The following GSE1 variants were observed in gnomAD, a reference collection of about 807,000 sequenced individuals.
GSE1 encodes the protein Gse1 coiled-coil protein, also known as genetic suppressor element 1.
GSE1 carries 32 observed loss-of-function variants against 112.6 expected under a neutral mutation model. The observed-to-expected ratio is 0.28, with a 90% CI of 0.21 to 0.38. GSE1 has a LOEUF of 0.38. Among genes scored for constraint, GSE1 ranks in the 10% least tolerant of loss-of-function variants. The pLI, the probability that GSE1 is intolerant of heterozygous loss-of-function variation, is 1.00. For missense variants in GSE1, 2,348 were observed against 1,699.2 expected (o/e 1.38, Z -6.71); for synonymous variants, 1,115 against 735.6 (o/e 1.52, Z -8.35).
At chr16:85,339,649 A>T (rs1369583024) in intron 1 of GSE1, among the ~76,000 whole-genome samples, 6 of 14,298 alleles carry the variant, frequency 4.2e-4, no homozygotes, top group East Asian at 1.7e-3. Context: ...CGGCGGGCGC[A>T]GGGTGGGGGT....
Position 85,648,645 on chromosome 16 carries a change from C to G in GSE1, c.320C>G (p.Pro107Arg). ...ASTPKRVPMGPIIVPPGGHSV... is the reference protein window; with the variant it reads ...ASTPKRVPMGRIIVPPGGHSV... ...ACACCCAAGCGCGTGCCCATGGGCC[C>G]TATCATCGTCCCCCCTGGGGGCCAC... Residue 107 changes from proline to arginine, a missense_variant, in exon 3 of 16, where the codon CCT (proline) becomes CGT (arginine). Transcript: ENST00000253458. 4.4e-6 allele frequency: 7 copies of G among 1,601,702 alleles called. No individual in the cohort carries two copies. Among genetic ancestry groups the G allele is most frequent in the South Asian group, 1.1e-5 (1 of 90,574 alleles).
rs141954430 is a variant in GSE1, at chr16:85,655,858, C to G, written c.930C>G (p.Leu310=). 4.4e-5 allele frequency: 71 copies of G among 1,609,534 alleles called. No individual in the cohort carries two copies. In the Middle Eastern group the frequency reaches 8.2e-4, roughly 19 times the overall value. Residue 310 remains leucine (L), a synonymous_variant, in exon 6 of 16, where the codon CTC becomes CTG. Coordinates refer to ENST00000253458, the MANE Select transcript of GSE1 (RefSeq NM_014615.5). ...HLSGVRYPPE[L]SHSSLAALHS... Reference sequence around the variant, plus strand: ...CTGGGGTCCGCTACCCTCCCGAGCTCTCCCACTCATCCCTGGCAGCGCTGC... The same window carrying G: ...CTGGGGTCCGCTACCCTCCCGAGCTGTCCCACTCATCCCTGGCAGCGCTGC...
intron 1 of GSE1, among the ~76,000 whole-genome samples, chr16:85,287,745 T>C (rs2045080180): frequency 6.6e-6 from 1 of 152,146 alleles, no homozygotes; most frequent in South Asian, 2.1e-4. Flanking sequence ...TGGCATGTGT[T>C]ACCAGCACTG....
chr16:85,227,821 T>C (rs1228756925), intron 1 of GSE1, among the ~76,000 whole-genome samples: 2 of 152,124 alleles, frequency 1.3e-5, no homozygotes, highest in African/African-American at 4.8e-5. Flanking sequence ...CCTCACTGTT[T>C]GCTGAATGCT....
exon 1 of GSE1, chr16:85,171,087 C>T: frequency 1.0e-6 from 1 of 985,668 alleles, no homozygotes; most frequent in Non-Finnish European, 1.2e-6. Flanking sequence ...GCCCGCCCAA[C>T]GCCCAGGGCC....
rs1337322713 is a variant in GSE1 at position 85,410,533 on chromosome 16, C to T, written c.2464+52890C>T. Among the ~76,000 whole-genome samples, 4 of 15,470 alleles carry T rather than the reference C, an allele frequency of 2.6e-4. 1 individual carries two copies. The highest frequency in any genetic ancestry group is 3.7e-4 in the Non-Finnish European group (3 of 8,068). The allele number at this position is 15,470 out of a possible 152,430, so 10.1% of individuals were successfully genotyped here. A position where few individuals can be genotyped will look rare whatever the true frequency, so the allele number is the denominator to read the frequency against. ...TCCTCACTGTTACTCTTAGGCCCCC[C>T]GGATAATCCTCACTGTTGCACTCAG... On this transcript the variant is annotated intron_variant, in intron 2 of 2. Transcript: ENST00000637419.
At chr16:85,575,205 C>G (rs1402866005) in intron 1 of GSE1, among the ~76,000 whole-genome samples, 1 of 152,240 alleles carries the variant, frequency 6.6e-6, no homozygotes, top group Non-Finnish European at 1.5e-5. Flanking sequence ...GAGCATATGT[C>G]CACAGGGCCA....
chr16:85,478,855 C>CTT (rs1350906487), intron 2 of GSE1, among the ~76,000 whole-genome samples: 7 of 14,978 alleles, frequency 4.7e-4, no homozygotes, highest in African/African-American at 3.0e-3. Flanking sequence ...TTCTTTCTTT[C>CTT]TTTCTTTCTT....
chr16:85,397,237 A>T (rs58425249), intron 2 of GSE1, among the ~76,000 whole-genome samples: 2,955 of 152,220 alleles, frequency 0.019, 237 homozygotes, highest in Admixed American at 0.15. Flanking sequence ...CCCCTTTTGC[A>T]TTGGGGGAAG....
chr16:85,223,351 C>T (rs1486874792), intron 1 of GSE1, among the ~76,000 whole-genome samples: 3 of 152,002 alleles, frequency 2.0e-5, no homozygotes, highest in South Asian at 2.1e-4. Flanking sequence ...GGTGAAACCC[C>T]ATCTCCACCA....
chr16:85,302,571 G>C (rs2045558333), intron 1 of GSE1, among the ~76,000 whole-genome samples: 1 of 152,106 alleles, frequency 6.6e-6, no homozygotes, highest in Admixed American at 6.6e-5. Flanking sequence ...CGCTGATACT[G>C]ACAGCTCTGA....
chr16:85,204,773 C>T (rs1181587172), intron 1 of GSE1, among the ~76,000 whole-genome samples: 1 of 152,212 alleles, frequency 6.6e-6, no homozygotes, highest in Non-Finnish European at 1.5e-5. Flanking sequence ...GGGTGGGGCT[C>T]ACATGTCTCT....
intron 2 of GSE1, among the ~76,000 whole-genome samples, chr16:85,529,243 C>T (rs1043654271): frequency 3.3e-5 from 5 of 152,116 alleles, no homozygotes; most frequent in African/African-American, 1.2e-4. Flanking sequence ...GCTGTGCCAT[C>T]GGTGTGTGGC....
At chr16:85,542,409 T>G (rs1427112502) in intron 2 of GSE1, among the ~76,000 whole-genome samples, 1 of 152,220 alleles carries the variant, frequency 6.6e-6, no homozygotes, top group Admixed American at 6.5e-5. Context: ...AGAGCCACAC[T>G]GCACCTGCCA....
chr16:85,194,845 G>A (rs921492149), intron 1 of GSE1, among the ~76,000 whole-genome samples: 2 of 152,178 alleles, frequency 1.3e-5, no homozygotes, highest in Non-Finnish European at 2.9e-5. Context: ...TACAGAGCAG[G>A]ATCCAAGGTG....
At chr16:85,374,878 C>T (rs2047385350) in intron 2 of GSE1, among the ~76,000 whole-genome samples, 1 of 152,196 alleles carries the variant, frequency 6.6e-6, no homozygotes, top group Non-Finnish European at 1.5e-5. Context: ...GACAGTCCTT[C>T]CTCTCGTCAC....
chr16:85,332,064 C>CT (rs2046386863), intron 1 of GSE1, among the ~76,000 whole-genome samples: 1 of 151,248 alleles, frequency 6.6e-6, no homozygotes, highest in Non-Finnish European at 1.5e-5. Context: ...CTGGGGGCTC[C>CT]TGTCCTAGCC....
chr16:85,397,831 C>A (rs939873179), intron 2 of GSE1, among the ~76,000 whole-genome samples: 7 of 152,192 alleles, frequency 4.6e-5, no homozygotes, highest in African/African-American at 1.7e-4. Context: ...TCAGGAGCTT[C>A]CCCTGGGATC....
chr16:85,314,278 C>T (rs2045937819), intron 1 of GSE1, among the ~76,000 whole-genome samples: 1 of 152,158 alleles, frequency 6.6e-6, no homozygotes, highest in African/African-American at 2.4e-5. Flanking sequence ...CACGTCTCGC[C>T]AAAATAGGGG....
Sources: allele counts gnomAD v4.1 joint callset (sites outside exome capture counted in the v4.1 genomes callset), GRCh38; gene constraint gnomAD v4.1.1; transcripts MANE v1.5; gene names NCBI Gene and HGNC (gene_info 2026-07-23, HGNC 2026-07-21).